NCALD: variants seen among roughly 807,000 people sequenced by gnomAD.
The protein encoded by NCALD is neurocalcin delta.
A neutral mutation model predicts 18.6 loss-of-function variants in NCALD; 10 were observed. The observed-to-expected ratio is 0.54, with a 90% CI of 0.33 to 0.91. The LOEUF (loss-of-function observed/expected upper bound fraction) is 0.91. Ranked by LOEUF, NCALD falls within the 40% of genes least tolerant of loss-of-function variation. NCALD has a pLI of 0.03. For synonymous variants in NCALD, 88 were observed against 87.4 expected, an observed-to-expected ratio of 1.01 and a Z score of -0.04; for missense variants, 184 against 247.6, an observed-to-expected ratio of 0.74 and a Z score of 1.72.
At chr8:101,690,927 G>C (rs977615420) in intron 3 of NCALD, 7 of 985,312 alleles carry the variant, frequency 7.1e-6, no homozygotes, top group Non-Finnish European at 8.4e-6. Flanking sequence ...CCTGGAGCTC[G>C]GCATGACGTC....
At chr8:102,081,505 G>A (rs1253417986) in intron 1 of NCALD, among the ~76,000 whole-genome samples, 1 of 129,320 alleles carries the variant, frequency 7.7e-6, no homozygotes, top group Non-Finnish European at 1.6e-5. Context: ...GCTCATTTAC[G>A]CCTATTTCTG....
chr8:101,896,051 C>G (rs1039098426), intron 3 of NCALD, among the ~76,000 whole-genome samples: 1 of 150,994 alleles, frequency 6.6e-6, no homozygotes, highest in Non-Finnish European at 1.5e-5. Context: ...GAGCCCGCAT[C>G]GCCAAGTCAA....
At chr8:101,981,926 G>A (rs559706917) in intron 2 of NCALD, among the ~76,000 whole-genome samples, 2 of 152,266 alleles carry the variant, frequency 1.3e-5, no homozygotes, top group East Asian at 3.9e-4. Flanking sequence ...TGGTGTTTGG[G>A]TCATGGGGAT....
At chr8:101,711,017 T>C (rs893452896) in intron 2 of NCALD, among the ~76,000 whole-genome samples, 1 of 152,126 alleles carries the variant, frequency 6.6e-6, no homozygotes, top group Non-Finnish European at 1.5e-5. Context: ...CAGGAGAGCT[T>C]TGGCTGGCAC....
intron 2 of NCALD, among the ~76,000 whole-genome samples, chr8:101,941,585 A>G (rs1818958647): frequency 6.6e-6 from 1 of 152,232 alleles, no homozygotes; most frequent in South Asian, 2.1e-4. Context: ...TGCATAACAA[A>G]CTTATGAACA....
At chr8:101,766,858 C>T (rs946629623) in intron 1 of NCALD, among the ~76,000 whole-genome samples, 54 of 152,162 alleles carry the variant, frequency 3.5e-4, no homozygotes, top group African/African-American at 1.2e-3. Context: ...GGATTACAAG[C>T]GTAAGTCACT....
intron 1 of NCALD, among the ~76,000 whole-genome samples, chr8:101,757,579 G>C (rs889909717): frequency 6.6e-6 from 1 of 151,988 alleles, no homozygotes; most frequent in African/African-American, 2.4e-5. Context: ...GAATTCCAAT[G>C]TTCCAAAAAT....
chr8:101,897,485 G>A (rs1423233253), intron 3 of NCALD, among the ~76,000 whole-genome samples: 1 of 150,800 alleles, frequency 6.6e-6, no homozygotes, highest in Non-Finnish European at 1.5e-5. Flanking sequence ...CCTGCACAAT[G>A]TGCACATGTA....
chr8:102,059,138 G>T (rs1893535), intron 1 of NCALD, among the ~76,000 whole-genome samples: 66,806 of 152,046 alleles, frequency 0.44, 16,075 homozygotes, highest in East Asian at 0.84. Flanking sequence ...AGCAAATATA[G>T]TTCCGTATGT....
At chr8:101,832,592 C>A (rs771605591) in intron 4 of NCALD, among the ~76,000 whole-genome samples, 4 of 151,988 alleles carry the variant, frequency 2.6e-5, no homozygotes, top group Non-Finnish European at 5.9e-5. Flanking sequence ...TAATACAGCC[C>A]CAAAGAGCTA....
intron 2 of NCALD, among the ~76,000 whole-genome samples, chr8:101,697,430 C>A (rs1187872932): frequency 6.6e-6 from 1 of 152,206 alleles, no homozygotes; most frequent in East Asian, 1.9e-4. Flanking sequence ...AAGGACTCCT[C>A]CCTAACTCAT....
At chr8:101,751,316 C>T (rs1175950191) in intron 1 of NCALD, among the ~76,000 whole-genome samples, 1 of 152,056 alleles carries the variant, frequency 6.6e-6, no homozygotes, top group Non-Finnish European at 1.5e-5. Flanking sequence ...AAGTAGAACA[C>T]AGGTTACCAG....
At chr8:101,927,981 A>G (rs1043907946) in intron 2 of NCALD, among the ~76,000 whole-genome samples, 4 of 152,224 alleles carry the variant, frequency 2.6e-5, no homozygotes, top group African/African-American at 4.8e-5. Context: ...TTTCATGTCT[A>G]TTTAATGCCT....
intron 1 of NCALD, among the ~76,000 whole-genome samples, chr8:102,107,219 T>TATATATATATATATATAC (rs1563623256): frequency 1.6e-5 from 2 of 127,332 alleles, no homozygotes; most frequent in African/African-American, 7.0e-5. Context: ...TATATATATA[T>TATATATATATATATATAC]ATATATATAT....
intron 2 of NCALD, among the ~76,000 whole-genome samples, chr8:101,922,441 T>C (rs923078986): frequency 6.6e-6 from 1 of 152,210 alleles, no homozygotes; most frequent in Admixed American, 6.5e-5. Flanking sequence ...CATCCTATCT[T>C]ACCTATTTGT....
At chr8:101,717,689 A>G (rs1267070845) in intron 2 of NCALD, among the ~76,000 whole-genome samples, 3 of 151,926 alleles carry the variant, frequency 2.0e-5, no homozygotes, top group Non-Finnish European at 4.4e-5. Flanking sequence ...AGCTACAACA[A>G]AGAAAAGACG....
At chr8:101,705,772 G>C (rs1016619549) in intron 2 of NCALD, among the ~76,000 whole-genome samples, 1 of 152,200 alleles carries the variant, frequency 6.6e-6, no homozygotes, top group African/African-American at 2.4e-5. Flanking sequence ...AGGCACAGAG[G>C]GAGGTCCCAG....
At chr8:101,971,715 A>G (rs1820248132) in intron 2 of NCALD, among the ~76,000 whole-genome samples, 1 of 152,172 alleles carries the variant, frequency 6.6e-6, no homozygotes, top group African/African-American at 2.4e-5. Flanking sequence ...AGTGGTACCA[A>G]CTGGTTGCAC....
At chr8:102,091,182 C>A (rs1191748601) in intron 1 of NCALD, among the ~76,000 whole-genome samples, 3 of 152,058 alleles carry the variant, frequency 2.0e-5, no homozygotes, top group Admixed American at 2.0e-4. Flanking sequence ...TCCACTGAAG[C>A]CAATTTAAAG....
Sources: gnomAD v4.1 joint callset for allele counts (sites outside exome capture counted in the v4.1 genomes callset) on GRCh38, gnomAD v4.1.1 for gene constraint, MANE v1.5 for transcripts, NCBI Gene and HGNC (gene_info 2026-07-23, HGNC 2026-07-21) for gene names.